Variants in TRIM71 observed in about 807,000 individuals in gnomAD.
The protein encoded by TRIM71 is tripartite motif containing 71, also known as E3 ubiquitin-protein ligase TRIM71.
Under a neutral mutation model 61.2 loss-of-function variants are expected in TRIM71, and 9 were observed. The ratio of observed to expected loss-of-function variants is 0.15; its 90% CI spans 0.09 to 0.26. TRIM71 has a LOEUF of 0.26. TRIM71 is among the 10% of genes least tolerant of loss of function. The pLI is 1.00. For missense variants in TRIM71, 998 were observed against 1,238.7 expected (o/e 0.81, Z 2.92); for synonymous variants, 645 against 553.2 (o/e 1.17, Z -2.33).
intron 1 of TRIM71, among the ~76,000 whole-genome samples, chr3:32,867,577 C>G (rs1696752187): frequency 6.6e-6 from 1 of 152,104 alleles, no homozygotes; most frequent in South Asian, 2.1e-4. Flanking sequence ...CTTGGCCTCC[C>G]AAAGTGCTGG....
chr3:32,882,052 T>C (rs1696914438), intron 2 of TRIM71, among the ~76,000 whole-genome samples: 1 of 152,238 alleles, frequency 6.6e-6, no homozygotes, highest in Admixed American at 6.5e-5. Context: ...GGATAAGCGA[T>C]AAGCCTGGCT....
chr3:32,820,139 G>A (rs751747778), intron 1 of TRIM71, among the ~76,000 whole-genome samples: 4 of 152,240 alleles, frequency 2.6e-5, no homozygotes, highest in Non-Finnish European at 4.4e-5. Flanking sequence ...GACTTAGAGC[G>A]TAAGCTGGAG....
At chr3:32,882,172 G>A (rs1421472022) in intron 2 of TRIM71, among the ~76,000 whole-genome samples, 1 of 151,540 alleles carries the variant, frequency 6.6e-6, no homozygotes, top group East Asian at 2.0e-4. Flanking sequence ...TGTAGCCCAG[G>A]CTGGGTCTTT....
chr3:32,864,294 G>A (rs898096314), intron 1 of TRIM71, among the ~76,000 whole-genome samples: 3 of 152,192 alleles, frequency 2.0e-5, no homozygotes, highest in Non-Finnish European at 4.4e-5. Context: ...CTGTCACTGA[G>A]TATTGTGTAG....
At chr3:32,866,752 C>T (rs551429143) in intron 1 of TRIM71, among the ~76,000 whole-genome samples, 27 of 152,022 alleles carry the variant, frequency 1.8e-4, no homozygotes, top group Non-Finnish European at 2.9e-4. Context: ...AAGGAACCTA[C>T]GCAGTGTTTT....
At chr3:32,849,352 G>C (rs1404828667) in intron 1 of TRIM71, among the ~76,000 whole-genome samples, 1 of 151,812 alleles carries the variant, frequency 6.6e-6, no homozygotes, top group Non-Finnish European at 1.5e-5. Context: ...AGGGCCTGGA[G>C]TTTTTTTGGT....
At chr3:32,858,281 G>A (rs1051291937) in intron 1 of TRIM71, among the ~76,000 whole-genome samples, 1 of 152,194 alleles carries the variant, frequency 6.6e-6, no homozygotes. Context: ...AGTGAAAGGG[G>A]TTCTGTTAAC....
chr3:32,851,192 T>C (rs933146159), intron 1 of TRIM71, among the ~76,000 whole-genome samples: 1 of 152,208 alleles, frequency 6.6e-6, no homozygotes, highest in Non-Finnish European at 1.5e-5. Flanking sequence ...TACGTCTCAA[T>C]TTCCTCCTCA....
At chr3:32,839,413 T>C (rs535412942) in intron 1 of TRIM71, among the ~76,000 whole-genome samples, 15 of 151,526 alleles carry the variant, frequency 9.9e-5, no homozygotes, top group African/African-American at 3.6e-4. Flanking sequence ...GTATTTTTAG[T>C]TAGATACAGG....
intron 1 of TRIM71, among the ~76,000 whole-genome samples, chr3:32,835,147 G>A (rs760633026): frequency 3.3e-5 from 5 of 152,204 alleles, no homozygotes; most frequent in Non-Finnish European, 7.3e-5. Flanking sequence ...TGGTTTGAGA[G>A]AAGAGGTTGA....
At chr3:32,879,878 T>C (rs1459154491) in intron 2 of TRIM71, among the ~76,000 whole-genome samples, 2 of 151,730 alleles carry the variant, frequency 1.3e-5, no homozygotes, top group South Asian at 2.1e-4. Flanking sequence ...GGAGGATTGC[T>C]TGAGGCCTGG....
Position 32,890,372 on chromosome 3 carries a change from C to T in TRIM71, c.1168C>T (p.Arg390Cys), listed in dbSNP as rs1313653954. ...CTTTTCCCTCCAGGTAGAAAAGATC[C>T]GCCAGGTGAAAGCCAAGTCTCTGTA... ...CELLWKVEKI[R>C]QVKAKSLYLQ... is the part of the protein sequence containing the mutation. The change falls in exon 4 of 4, where the codon CGC becomes TGC. Residue 390 changes from arginine to cysteine, a missense_variant. Coordinates refer to ENST00000383763, the MANE Select transcript of TRIM71 (RefSeq NM_001039111.3). The surrounding 1 kb of genome is among the most constrained non-coding windows in gnomAD (Gnocchi z 6.2). 2 of 1,607,836 alleles carry T rather than the reference C, an allele frequency of 1.2e-6. No homozygotes were observed. Among genetic ancestry groups the T allele is most frequent in the Non-Finnish European group, 8.5e-7 (1 of 1,174,828 alleles).
intron 2 of TRIM71, among the ~76,000 whole-genome samples, chr3:32,878,845 G>T (rs1224010441): frequency 2.0e-5 from 3 of 152,196 alleles, no homozygotes; most frequent in Non-Finnish European, 2.9e-5. Flanking sequence ...GTCCATTGAA[G>T]CTTTGAAGCC....
chr3:32,818,187 C>G lies in TRIM71; in HGVS notation c.107C>G (p.Ser36Trp). 1 of 1,592,122 alleles carries G rather than the reference C, an allele frequency of 6.3e-7. No individual in the cohort carries two copies. The highest frequency in any genetic ancestry group is 8.5e-7 in the Non-Finnish European group (1 of 1,171,026). Reference protein sequence around the residue: ...SSNSSASSSSSQTSTSSGGGG... With the variant: ...SSNSSASSSSWQTSTSSGGGG... ...AACTCGTCCGCGTCGTCGTCCTCCT[C>G]GCAGACGTCCACGTCGTCGGGGGGC... The change falls in exon 1 of 4, where the codon TCG becomes TGG. Residue 36 changes from serine to tryptophan, a missense_variant. Transcript: ENST00000383763.
intron 1 of TRIM71, among the ~76,000 whole-genome samples, chr3:32,824,006 C>T (rs371404075): frequency 1.9e-4 from 29 of 151,904 alleles, no homozygotes; most frequent in South Asian, 1.9e-3. Flanking sequence ...ACTGGGGAGG[C>T]GGAGGCCGCA....
At chr3:32,819,288 G>A (rs1443574612) in intron 1 of TRIM71, among the ~76,000 whole-genome samples, 1 of 152,176 alleles carries the variant, frequency 6.6e-6, no homozygotes, top group East Asian at 1.9e-4. Flanking sequence ...GCTCTTGTGG[G>A]CACACCAGAG....
At chr3:32,841,058 A>G (rs1298028842) in intron 1 of TRIM71, among the ~76,000 whole-genome samples, 1 of 151,404 alleles carries the variant, frequency 6.6e-6, no homozygotes, top group African/African-American at 2.4e-5. Flanking sequence ...CATCCTGGCT[A>G]ACCTGGTGAA....
At chr3:32,837,825 C>T (rs931716187) in intron 1 of TRIM71, among the ~76,000 whole-genome samples, 1 of 152,000 alleles carries the variant, frequency 6.6e-6, no homozygotes, top group African/African-American at 2.4e-5. Flanking sequence ...AAAAAAACCT[C>T]CTGAAGTCTT....
At position 32,818,535 on chromosome 3, in the gene TRIM71, A is replaced by C. The variant is rs1002341005; in HGVS notation, c.455A>C (p.His152Pro). ...GAGGHSNHRHHAHHAHPRASA... is the reference protein window; with the variant it reads ...GAGGHSNHRHPAHHAHPRASA... ...GGCGGCCACAGCAACCACCGGCACC[A>C]CGCTCACCACGCGCACCCGCGCGCG... Residue 152 changes from histidine (H) to proline (P), a missense_variant, in exon 1 of 4, where the codon CAC becomes CCC. This residue lies in a region of TRIM71 where 527 missense variants were observed against 427.8 expected (regional missense o/e 1.23). Transcript: ENST00000383763. The C allele has an allele frequency of 1.6e-5, 21 of 1,338,884 alleles. No homozygotes were observed. The Admixed American group carries it at 8.2e-4, about 53-fold the overall frequency. 82.9% of individuals were successfully genotyped at this position (1,338,884 alleles called of 1,614,324 possible).
Sources: allele counts gnomAD v4.1 joint callset (sites outside exome capture counted in the v4.1 genomes callset), GRCh38; gene constraint gnomAD v4.1.1; regional missense constraint gnomAD v4.1.1; non-coding constraint Gnocchi (gnomAD v3.1); transcripts MANE v1.5; gene names NCBI Gene and HGNC (gene_info 2026-07-23, HGNC 2026-07-21).